Variants in UBASH3B observed in about 807,000 individuals in gnomAD.
UBASH3B encodes the protein ubiquitin associated and SH3 domain containing B.
UBASH3B carries 37 observed loss-of-function variants against 83.4 expected under a neutral mutation model. That is an observed-to-expected ratio of 0.44 (90% confidence interval 0.34 to 0.58). UBASH3B has a LOEUF of 0.58. Among genes scored for constraint, UBASH3B ranks in the 20% least tolerant of loss-of-function variants. The probability of loss-of-function intolerance (pLI) is 0.01; values close to 1 mark genes in which losing one functional copy is unlikely to be tolerated. For synonymous variants in UBASH3B, 304 were observed against 318.3 expected (o/e 0.96, Z 0.48); for missense variants, 657 against 827.2 (o/e 0.79, Z 2.52).
At chr11:122,768,508 G>GTGTGTGTGTGTGTGTGTGTGTA in intron 1 of UBASH3B, among the ~76,000 whole-genome samples, 1 of 134,316 alleles carries the variant, frequency 7.4e-6, no homozygotes, top group South Asian at 2.6e-4. Flanking sequence ...GTGTGTGTGT[G>GTGTGTGTGTGTGTGTGTGTGTA]TATATATATA....
chr11:122,694,181 TA>T (rs1170005074), intron 1 of UBASH3B, among the ~76,000 whole-genome samples: 1 of 151,776 alleles, frequency 6.6e-6, no homozygotes, highest in African/African-American at 2.4e-5. Context: ...CTATTATCTT[TA>T]AAACCTCTCT....
At chr11:122,807,549 AATT>A (rs993379336) in intron 12 of UBASH3B, among the ~76,000 whole-genome samples, 7 of 151,888 alleles carry the variant, frequency 4.6e-5, no homozygotes, top group African/African-American at 1.7e-4. Context: ...ATAAATCCAT[AATT>A]ATTATTATTA....
At chr11:122,741,430 G>A (rs1006440348) in intron 1 of UBASH3B, among the ~76,000 whole-genome samples, 1 of 152,180 alleles carries the variant, frequency 6.6e-6, no homozygotes, top group East Asian at 1.9e-4. Context: ...ATTCGGGTTC[G>A]TGTTAGAACT....
chr11:122,802,097 G>A (rs550419125), intron 11 of UBASH3B, among the ~76,000 whole-genome samples: 6 of 152,134 alleles, frequency 3.9e-5, no homozygotes, highest in Admixed American at 1.3e-4. Context: ...CAGGTGGATC[G>A]TGAGGTCAGG....
intron 1 of UBASH3B, among the ~76,000 whole-genome samples, chr11:122,715,782 A>G (rs879852095): frequency 1.6e-4 from 24 of 152,230 alleles, no homozygotes; most frequent in Non-Finnish European, 2.9e-4. Flanking sequence ...CTTCCCAGCC[A>G]TTGCCAGGTT....
intron 1 of UBASH3B, among the ~76,000 whole-genome samples, chr11:122,662,972 CTT>C (rs568564848): frequency 0.062 from 6,836 of 109,852 alleles, 72 homozygotes; most frequent in Non-Finnish European, 0.07. Flanking sequence ...GCGCTAATGT[CTT>C]TTTTTTTTTT....
chr11:122,694,960 T>TC (rs1485020663), intron 1 of UBASH3B, among the ~76,000 whole-genome samples: 2 of 117,620 alleles, frequency 1.7e-5, no homozygotes, highest in African/African-American at 6.3e-5. Flanking sequence ...CTTTCTTTTT[T>TC]TTTTTTTTTT....
At chr11:122,730,073 G>A (rs1362875617) in intron 1 of UBASH3B, among the ~76,000 whole-genome samples, 2 of 147,592 alleles carry the variant, frequency 1.4e-5, no homozygotes, top group Non-Finnish European at 3.0e-5. Context: ...ATCACTTGAA[G>A]CCAGGAGTTC....
intron 1 of UBASH3B, among the ~76,000 whole-genome samples, chr11:122,703,526 A>G (rs188148394): frequency 2.1e-3 from 323 of 152,304 alleles, no homozygotes; most frequent in African/African-American, 6.9e-3. Context: ...AATATGGGGG[A>G]AAATGCCTGC....
chr11:122,736,217 C>T (rs760079657), intron 1 of UBASH3B, among the ~76,000 whole-genome samples: 18 of 151,766 alleles, frequency 1.2e-4, no homozygotes, highest in Admixed American at 3.9e-4. Context: ...TCCAAGTGCA[C>T]AGATAAAAAC....
At chr11:122,727,917 C>G (rs571728269) in intron 1 of UBASH3B, among the ~76,000 whole-genome samples, 1 of 152,290 alleles carries the variant, frequency 6.6e-6, no homozygotes, top group East Asian at 1.9e-4. Flanking sequence ...GGCCCAGTCC[C>G]TATCCTGAAG....
chr11:122,696,648 A>T (rs748357084), intron 1 of UBASH3B, among the ~76,000 whole-genome samples: 1 of 152,156 alleles, frequency 6.6e-6, no homozygotes, highest in African/African-American at 2.4e-5. Context: ...GACTTTAGCT[A>T]AAGACTAGAA....
chr11:122,739,781 G>T (rs1383347653), intron 1 of UBASH3B, among the ~76,000 whole-genome samples: 1 of 152,092 alleles, frequency 6.6e-6, no homozygotes, highest in East Asian at 1.9e-4. Context: ...TTACATTTGG[G>T]GCTGGGCAGT....
intron 9 of UBASH3B, chr11:122,797,247 T>C (rs1187751571): frequency 2.0e-6 from 1 of 511,524 alleles, no homozygotes; most frequent in Non-Finnish European, 3.3e-6. Flanking sequence ...TGGTCCTTAT[T>C]GAGGAGCACG....
chr11:122,677,946 A>G (rs968599671), intron 1 of UBASH3B, among the ~76,000 whole-genome samples: 2 of 152,178 alleles, frequency 1.3e-5, no homozygotes, highest in African/African-American at 4.8e-5. Flanking sequence ...TCCCACCTCC[A>G]TGCCCAGCTA....
rs370269562 is a variant in UBASH3B, at chr11:122,682,813, TA to T, written c.161+26610del. Among the ~76,000 whole-genome samples the T allele has an allele frequency of 2.2e-4, 33 of 152,308 alleles. No homozygotes were observed. The East Asian group carries it at 6.4e-3, about 29-fold the overall frequency. On this transcript the variant is annotated intron_variant, in intron 1 of 13. Coordinates refer to ENST00000284273, the MANE Select transcript of UBASH3B (RefSeq NM_032873.5). ...ATTATAAATATAATAAACTACTGAT[TA>T]AAAAAATTTAATGGAAATTTTCTAA...
chr11:122,701,581 G>A (rs553562406), intron 1 of UBASH3B, among the ~76,000 whole-genome samples: 2 of 152,244 alleles, frequency 1.3e-5, no homozygotes, highest in South Asian at 2.1e-4. Flanking sequence ...GCAGAGGTCT[G>A]TTGAAGGTCA....
intron 1 of UBASH3B, among the ~76,000 whole-genome samples, chr11:122,751,101 C>T (rs1018414389): frequency 2.6e-5 from 2 of 77,824 alleles, no homozygotes; most frequent in Admixed American, 1.4e-4. Flanking sequence ...ATGTTGTTTA[C>T]GCTTCCCGGC....
chr11:122,730,456 C>T (rs1454544704), intron 1 of UBASH3B, among the ~76,000 whole-genome samples: 1 of 152,198 alleles, frequency 6.6e-6, no homozygotes, highest in Middle Eastern at 3.2e-3. Context: ...ATCTCTGTTT[C>T]AGGTCAGCCT....
Sources: gnomAD v4.1 joint callset for allele counts (sites outside exome capture counted in the v4.1 genomes callset) on GRCh38, gnomAD v4.1.1 for gene constraint, MANE v1.5 for transcripts, NCBI Gene and HGNC (gene_info 2026-07-23, HGNC 2026-07-21) for gene names.